Variants in ELP4 observed in about 807,000 individuals in gnomAD.
ELP4 encodes elongator acetyltransferase complex subunit 4, also known as elongator complex protein 4.
Under a neutral mutation model 48.9 loss-of-function variants are expected in ELP4, and 51 were observed. The observed-to-expected ratio is 1.04, with a 90% CI of 0.83 to 1.32. The LOEUF (loss-of-function observed/expected upper bound fraction) is 1.32. Among genes scored for constraint, ELP4 ranks in the 40% most tolerant of loss-of-function variants. ELP4 has a pLI of 0.00. For synonymous variants in ELP4, 210 were observed against 189.2 expected (o/e 1.11, Z -0.90); for missense variants, 519 against 514.6 (o/e 1.01, Z -0.08).
At chr11:31,613,199 GA>G (rs1400610168) in intron 5 of ELP4, among the ~76,000 whole-genome samples, 1 of 152,108 alleles carries the variant, frequency 6.6e-6, no homozygotes, top group Non-Finnish European at 1.5e-5. Context: ...ATAATGGAGT[GA>G]AAAAGCAGAT....
In ELP4 at chr11:31,696,080, A is replaced by G. The variant is rs551138344; in HGVS notation, c.1143+45859A>G. 1.6e-4 allele frequency among the ~76,000 whole-genome samples: 24 copies of G among 151,784 alleles called. No homozygotes were observed. In the South Asian group the frequency reaches 5.0e-3, roughly 32 times the overall value. The stretch of plus-strand genomic sequence containing the variant: ...TCTTTTCTTCTTTATTAGGCTTGCT[A>G]GTGGTCTATTAAATTTGTTGATCTT... On this transcript the variant is annotated intron_variant, in intron 9 of 9. Coordinates refer to ENST00000640961, the MANE Select transcript of ELP4 (RefSeq NM_019040.5).
At chr11:31,664,364 A>G (rs967306680) in intron 9 of ELP4, 2 of 152,204 alleles carry the variant, frequency 1.3e-5, no homozygotes, top group South Asian at 4.1e-4. Context: ...TAGGAATGAC[A>G]CAGAAAGAGC....
At chr11:31,773,156 G>T (rs1306255905) in intron 9 of ELP4, among the ~76,000 whole-genome samples, 3 of 152,168 alleles carry the variant, frequency 2.0e-5, no homozygotes, top group Non-Finnish European at 4.4e-5. Context: ...CCAGGCTTGG[G>T]GTTTCTTTGC....
chr11:31,771,702 G>T (rs993322149), intron 9 of ELP4, among the ~76,000 whole-genome samples: 1 of 152,108 alleles, frequency 6.6e-6, no homozygotes, highest in Non-Finnish European at 1.5e-5. Flanking sequence ...CTTAGTGGCC[G>T]GGCTCAGTGG....
At chr11:31,522,289 AACGG>A (rs1956226136) in intron 2 of ELP4, among the ~76,000 whole-genome samples, 2 of 152,308 alleles carry the variant, frequency 1.3e-5, no homozygotes, top group East Asian at 3.9e-4. Flanking sequence ...TAAAATACAA[AACGG>A]TGTGTAAAGA....
intron 7 of ELP4, among the ~76,000 whole-genome samples, chr11:31,643,794 CCAAA>C (rs1361160212): frequency 6.6e-6 from 1 of 151,338 alleles, no homozygotes; most frequent in Non-Finnish European, 1.5e-5. Flanking sequence ...CTCTATGAAA[CCAAA>C]CAGAGAACAG....
intron 9 of ELP4, among the ~76,000 whole-genome samples, chr11:31,709,392 ATACT>A (rs912429349): frequency 5.2e-4 from 79 of 152,300 alleles, no homozygotes; most frequent in African/African-American, 1.9e-3. Flanking sequence ...AGGAAGTGTA[ATACT>A]TACCGAATGA....
At chr11:31,701,678 A>G (rs748091983) in intron 9 of ELP4, among the ~76,000 whole-genome samples, 2 of 150,284 alleles carry the variant, frequency 1.3e-5, no homozygotes, top group Admixed American at 6.6e-5. Flanking sequence ...AGCCCTATAT[A>G]TATTTCATGG....
intron 2 of ELP4, among the ~76,000 whole-genome samples, chr11:31,538,194 T>G (rs1285861845): frequency 6.6e-6 from 1 of 150,540 alleles, no homozygotes; most frequent in African/African-American, 2.4e-5. Flanking sequence ...ATTAGTATAG[T>G]ATTAGTATAG....
intron 9 of ELP4, among the ~76,000 whole-genome samples, chr11:31,667,010 G>A (rs1945694347): frequency 6.6e-6 from 1 of 152,172 alleles, no homozygotes; most frequent in African/African-American, 2.4e-5. Context: ...AGGACCAAGT[G>A]AGCAACAGAC....
At chr11:31,577,898 CCT>C (rs1176242818) in intron 3 of ELP4, among the ~76,000 whole-genome samples, 1 of 152,146 alleles carries the variant, frequency 6.6e-6, no homozygotes, top group Non-Finnish European at 1.5e-5. Context: ...ACATGGATGC[CCT>C]CTCTCACCAC....
chr11:31,722,564 C>A (rs1436096808), intron 9 of ELP4, among the ~76,000 whole-genome samples: 1 of 151,928 alleles, frequency 6.6e-6, no homozygotes, highest in African/African-American at 2.4e-5. Flanking sequence ...TTTCAGGGCC[C>A]AGTGAAAATG....
rs35149633 is a variant in ELP4, at chr11:31,529,115, GA to G, written c.259+9039del. 9.6e-3 allele frequency among the ~76,000 whole-genome samples: 1,200 copies of G among 124,662 alleles called. 15 individuals carry two copies. Among genetic ancestry groups the G allele is most frequent in the African/African-American group, 0.024 (809 of 33,698 alleles). The allele number at this position is 124,662 out of a possible 152,430, so 81.8% of individuals were successfully genotyped here. ...CCTGCGTGAGAGTGAGACTCCGTCT[GA>G]AAAAAAAAAAAAAAGTTATTATGAG... On this transcript the variant is annotated intron_variant, in intron 2 of 9. Coordinates refer to ENST00000640961, the MANE Select transcript of ELP4 (RefSeq NM_019040.5).
At chr11:31,771,977 G>A (rs12280436) in intron 9 of ELP4, among the ~76,000 whole-genome samples, 3,074 of 151,398 alleles carry the variant, frequency 0.02, 120 homozygotes, top group African/African-American at 0.07. Context: ...GCGAGACTCC[G>A]TCTCTAAAAA....
chr11:31,678,495 A>ATATGTGTG (rs1289045372), intron 9 of ELP4, among the ~76,000 whole-genome samples: 2 of 137,416 alleles, frequency 1.5e-5, no homozygotes, highest in Non-Finnish European at 3.1e-5. Flanking sequence ...ACATATATGT[A>ATATGTGTG]TGTGTGTGTG....
At chr11:31,544,323 A>G (rs1956652337) in intron 3 of ELP4, among the ~76,000 whole-genome samples, 1 of 152,224 alleles carries the variant, frequency 6.6e-6, no homozygotes, top group African/African-American at 2.4e-5. Context: ...AGATGGGTTT[A>G]AAAAACGGCG....
intron 3 of ELP4, among the ~76,000 whole-genome samples, chr11:31,561,687 T>C (rs989228111): frequency 2.0e-5 from 3 of 152,022 alleles, no homozygotes; most frequent in African/African-American, 7.2e-5. Flanking sequence ...CAAGTGATCC[T>C]CCCACCTCAA....
chr11:31,603,675 C>A (rs1021187711), intron 4 of ELP4, 93 bp from the exon 5 acceptor site: 2 of 1,352,324 alleles, frequency 1.5e-6, no homozygotes, highest in African/African-American at 2.9e-5. Flanking sequence ...GCTTAAAATT[C>A]ATAAATATGC....
intron 3 of ELP4, among the ~76,000 whole-genome samples, chr11:31,558,415 C>T (rs1349148568): frequency 6.6e-6 from 1 of 152,110 alleles, no homozygotes; most frequent in African/African-American, 2.4e-5. Context: ...TAGTGAGAAC[C>T]ATTGCTGCTA....
Sources: allele counts gnomAD v4.1 joint callset (sites outside exome capture counted in the v4.1 genomes callset), GRCh38; gene constraint gnomAD v4.1.1; transcripts MANE v1.5; gene names NCBI Gene and HGNC (gene_info 2026-07-23, HGNC 2026-07-21).